PPIE: variants seen among roughly 807,000 people sequenced by gnomAD.
PPIE encodes the protein peptidylprolyl isomerase E, also known as peptidyl-prolyl cis-trans isomerase E.
PPIE carries 20 observed loss-of-function variants against 38.4 expected under a neutral mutation model. The ratio of observed to expected loss-of-function variants is 0.52; its 90% CI spans 0.37 to 0.76. The LOEUF (loss-of-function observed/expected upper bound fraction) is 0.76, where lower values mean the gene tolerates loss of function less well. Ranked by LOEUF, PPIE falls within the 30% of genes least tolerant of loss-of-function variation. The pLI, the probability that PPIE is intolerant of heterozygous loss-of-function variation, is 0.00. For synonymous variants in PPIE, 142 were observed against 135.7 expected (o/e 1.05, Z -0.32); for missense variants, 322 against 385.8 (o/e 0.83, Z 1.39).
intron 6 of PPIE, among the ~76,000 whole-genome samples, chr1:39,744,623 C>T (rs1031529480): frequency 3.9e-5 from 6 of 152,292 alleles, no homozygotes; most frequent in Admixed American, 1.3e-4. Context: ...GATATTTCTG[C>T]CTGCAAGTCT....
chr1:39,756,332 G>A lies in PPIE; in HGVS notation c.*2977G>A, dbSNP rs1648268746. 1.0e-6 allele frequency: 1 copy of A among 985,322 alleles called. No homozygotes were observed. The highest frequency in any genetic ancestry group is 1.2e-6 in the Non-Finnish European group (1 of 829,936). 61.0% of individuals were successfully genotyped at this position (985,322 alleles called of 1,614,324 possible). ...ATTGCTGGACCAGCACCAGGACTGGGCACAGGGCTTCCTTTTGCTGATTCA... is the reference window on the plus strand; with the variant it reads ...ATTGCTGGACCAGCACCAGGACTGGACACAGGGCTTCCTTTTGCTGATTCA... On this transcript the variant is annotated 3_prime_UTR_variant, in exon 10 of 10. Coordinates refer to ENST00000324379, the MANE Select transcript of PPIE (RefSeq NM_006112.4).
chr1:39,762,749 C>A, intron 9 of PPIE: 2 of 1,381,280 alleles, frequency 1.4e-6, no homozygotes, highest in Non-Finnish European at 1.9e-6. Context: ...TAAGATCACA[C>A]AGCCCCCACA....
intron 8 of PPIE, 134 bp downstream of exon 8, chr1:39,749,222 G>A: frequency 3.3e-6 from 3 of 909,628 alleles, no homozygotes; most frequent in Non-Finnish European, 5.0e-6. Flanking sequence ...CCAGACATAG[G>A]AGAACCATGC....
chr1:39,741,436 G>A, intron 3 of PPIE, 27 bp downstream of exon 3: 1 of 1,611,550 alleles, frequency 6.2e-7, no homozygotes, highest in Non-Finnish European at 8.5e-7. Flanking sequence ...CTAGTGTCTA[G>A]TCCTTGGTTT....
intron 3 of PPIE, chr1:39,741,665 T>C (rs1647061137): frequency 1.6e-6 from 1 of 625,836 alleles, no homozygotes; most frequent in Non-Finnish European, 2.8e-6. Flanking sequence ...CATTGAGCAT[T>C]CTTGCCTGGA....
chr1:39,739,210 C>T (rs1200104106), intron 1 of PPIE: 4 of 387,316 alleles, frequency 1.0e-5, no homozygotes, highest in Non-Finnish European at 1.8e-5. Flanking sequence ...GACCCACTTG[C>T]CCCCAAGGTT....
chr1:39,743,966 G>C (rs527278759), intron 6 of PPIE, 42 bp downstream of exon 6: 7 of 1,411,634 alleles, frequency 5.0e-6, no homozygotes, highest in Admixed American at 4.4e-5. Context: ...GGCCGGCGCT[G>C]TCCACAGGAG....
At chr1:39,762,953 C>T (rs1002819093) in intron 9 of PPIE, 33 of 1,090,308 alleles carry the variant, frequency 3.0e-5, no homozygotes, top group Non-Finnish European at 4.3e-5. Context: ...GGGAAGTTAG[C>T]GACGTTACTG....
chr1:39,742,195 C>A, intron 4 of PPIE: 1 of 414,190 alleles, frequency 2.4e-6, no homozygotes, highest in Non-Finnish European at 4.4e-6. Flanking sequence ...AGACACAGTG[C>A]AAATTGATTG....
chr1:39,739,348 A>G (rs1647001617), intron 1 of PPIE: 1 of 179,576 alleles, frequency 5.6e-6, no homozygotes, highest in Non-Finnish European at 1.2e-5. Context: ...GCTGAGCTCC[A>G]GCGGGCCCCG....
chr1:39,763,648 C>A lies in PPIE; in HGVS notation c.838-41C>A. ...TCACCATGATTCTATGTCCTCCCTG[C>A]AGATTCACTTCTGATCTACAGGTGG... On this transcript the variant is annotated intron_variant, in intron 9 of 9. Coordinates refer to the PPIE transcript ENST00000356511. 3.2e-6 allele frequency: 5 copies of A among 1,540,124 alleles called. No homozygotes were observed. The South Asian group carries it at 4.6e-5, about 14-fold the overall frequency.
At chr1:39,750,906 T>C (rs1647660977) in intron 8 of PPIE, among the ~76,000 whole-genome samples, 1 of 152,252 alleles carries the variant, frequency 6.6e-6, no homozygotes, top group African/African-American at 2.4e-5. Context: ...ACCCACATCG[T>C]TATTTTAAAA....
intron 1 of PPIE, chr1:39,739,140 A>G (rs1646995082): frequency 2.2e-6 from 1 of 454,078 alleles, no homozygotes; most frequent in Non-Finnish European, 3.7e-6. Flanking sequence ...ACTTCTTAGC[A>G]GTACGCACTT....
At chr1:39,761,038 C>T (rs549585057), downstream of PPIE, among the ~76,000 whole-genome samples, 1 of 152,244 alleles carries the variant, frequency 6.6e-6, no homozygotes, top group South Asian at 2.1e-4. Context: ...CGCCCCTCTC[C>T]TGTGCTGCTC....
chr1:39,759,330 C>T (rs1231858999), downstream of PPIE: 1 of 152,304 alleles, frequency 6.6e-6, no homozygotes, highest in African/African-American at 2.4e-5. Context: ...TTTTTGATGG[C>T]CCCTGGCCTC....
chr1:39,744,967 G>A (rs867730375), intron 6 of PPIE, among the ~76,000 whole-genome samples: 6 of 152,194 alleles, frequency 3.9e-5, no homozygotes, highest in Non-Finnish European at 8.8e-5. Flanking sequence ...ACAGAGGGAC[G>A]AGGTGGTACA....
chr1:39,749,806 A>G (rs959580300), intron 8 of PPIE, among the ~76,000 whole-genome samples: 3 of 152,152 alleles, frequency 2.0e-5, no homozygotes, highest in African/African-American at 4.8e-5. Context: ...GTCCATTAGC[A>G]TGAAAGCATG....
At chr1:39,741,644 G>A in intron 3 of PPIE, 1 of 622,462 alleles carries the variant, frequency 1.6e-6, no homozygotes, top group Non-Finnish European at 2.8e-6. Flanking sequence ...GCTAGCTCAT[G>A]CACCCCTGTT....
At chr1:39,762,951 A>T (rs756817561) in intron 9 of PPIE, 220 of 1,069,552 alleles carry the variant, frequency 2.1e-4, no homozygotes, top group Non-Finnish European at 2.2e-4. Flanking sequence ...GTGGGAAGTT[A>T]GCGACGTTAC....
Sources: allele counts gnomAD v4.1 joint callset (sites outside exome capture counted in the v4.1 genomes callset), GRCh38; gene constraint gnomAD v4.1.1; transcripts MANE v1.5; gene names NCBI Gene and HGNC (gene_info 2026-07-23, HGNC 2026-07-21).